The following PTPRK variants were observed in gnomAD, a reference collection of about 807,000 sequenced individuals.
PTPRK encodes receptor-type tyrosine-protein phosphatase kappa.
In PTPRK, 75 loss-of-function variants were observed where a neutral mutation model predicts 178.0. The observed-to-expected ratio is 0.42, with a 90% CI of 0.35 to 0.51. PTPRK has a LOEUF of 0.51. Among genes scored for constraint, PTPRK ranks in the 20% least tolerant of loss-of-function variants. The probability of loss-of-function intolerance (pLI) is 0.02; values close to 1 mark genes in which losing one functional copy is unlikely to be tolerated. For missense variants in PTPRK, 1,441 were observed against 1,797.8 expected (o/e 0.80, Z 3.59); for synonymous variants, 637 against 620.6 (o/e 1.03, Z -0.39).
intron 5 of PTPRK, among the ~76,000 whole-genome samples, chr6:128,233,210 T>C (rs1812603126): frequency 6.6e-6 from 1 of 152,216 alleles, no homozygotes; most frequent in Non-Finnish European, 1.5e-5. Context: ...CATGGGGTCA[T>C]CAGAAAGAGC....
intron 2 of PTPRK, among the ~76,000 whole-genome samples, chr6:128,325,239 C>T (rs550463087): frequency 6.6e-6 from 1 of 152,144 alleles, no homozygotes; most frequent in African/African-American, 2.4e-5. Flanking sequence ...CCTTTATAGA[C>T]AGCAATTTGA....
chr6:128,270,391 G>A (rs1819622516), intron 3 of PTPRK, among the ~76,000 whole-genome samples: 1 of 152,006 alleles, frequency 6.6e-6, no homozygotes, highest in Non-Finnish European at 1.5e-5. Context: ...AATTCCAAAT[G>A]CTTCATTAAA....
intron 1 of PTPRK, among the ~76,000 whole-genome samples, chr6:128,479,606 C>G (rs1409302457): frequency 6.6e-6 from 1 of 152,104 alleles, no homozygotes; most frequent in African/African-American, 2.4e-5. Flanking sequence ...GGTTTTCACT[C>G]TCTGCCTTCC....
Position 127,988,295 on chromosome 6 carries a change from C to T in PTPRK, c.3097-2420G>A, listed in dbSNP as rs534061730. On this transcript the variant is annotated intron_variant, in intron 21 of 29. Transcript: ENST00000368226. ...ATCTGATTCTGTTATCATCATTATG[C>T]TAACCTTTTTTTTTTTTTTTTTTTT... is the stretch of plus-strand genomic sequence containing the variant. Among the ~76,000 whole-genome samples, 220 of 146,158 alleles carry T rather than the reference C, an allele frequency of 1.5e-3. 1 individual carries two copies. Among genetic ancestry groups the T allele is most frequent in the South Asian group, 4.3e-3 (20 of 4,636 alleles).
rs151155727 is a variant in PTPRK, at chr6:128,218,785, T to C, written c.868+137A>G. ...TTTCACCTTCACACATTCTGAGAAA[T>C]TGTATGATGATATATTTTTTATAGT... On this transcript the variant is annotated intron_variant, in intron 6 of 29. Transcript: ENST00000368226. 3.3e-4 allele frequency: 272 copies of C among 824,114 alleles called. 2 individuals carry two copies. The East Asian group carries it at 6.5e-3, about 20-fold the overall frequency. The allele number at this position is 824,114 out of a possible 1,614,324, so 51.1% of individuals were successfully genotyped here.
At chr6:128,079,905 C>A (rs1052018801) in intron 10 of PTPRK, among the ~76,000 whole-genome samples, 7 of 151,962 alleles carry the variant, frequency 4.6e-5, no homozygotes, top group African/African-American at 1.7e-4. Flanking sequence ...GGCTTTCTAA[C>A]ACACAGATTA....
At chr6:128,052,219 G>A (rs1779132454) in intron 13 of PTPRK, among the ~76,000 whole-genome samples, 1 of 152,176 alleles carries the variant, frequency 6.6e-6, no homozygotes, top group South Asian at 2.1e-4. Flanking sequence ...GTAAGTGACT[G>A]CCCTGATGCC....
At chr6:128,247,495 T>A (rs1363015325) in intron 3 of PTPRK, among the ~76,000 whole-genome samples, 1 of 151,958 alleles carries the variant, frequency 6.6e-6, no homozygotes, top group African/African-American at 2.4e-5. Flanking sequence ...AATTTTTGTA[T>A]TTTTGTAGAG....
intron 1 of PTPRK, among the ~76,000 whole-genome samples, chr6:128,486,704 T>A (rs1852950562): frequency 6.6e-6 from 1 of 151,700 alleles, no homozygotes; most frequent in Non-Finnish European, 1.5e-5. Context: ...CTGGGGAGGC[T>A]GAGGTGGAGG....
At chr6:128,314,754 G>C (rs72969051) in intron 3 of PTPRK, among the ~76,000 whole-genome samples, 14,790 of 151,562 alleles carry the variant, frequency 0.098, 967 homozygotes, top group African/African-American at 0.18. Flanking sequence ...ATGTGATAAT[G>C]GATATTAAAC....
At chr6:128,171,364 T>G (rs1583316537) in intron 7 of PTPRK, among the ~76,000 whole-genome samples, 1 of 151,992 alleles carries the variant, frequency 6.6e-6, no homozygotes, top group African/African-American at 2.4e-5. Flanking sequence ...AGCATGAGGT[T>G]GTTTAGGGGA....
chr6:128,022,290 T>C (rs970126312), intron 13 of PTPRK, among the ~76,000 whole-genome samples: 1 of 152,162 alleles, frequency 6.6e-6, no homozygotes, highest in Non-Finnish European at 1.5e-5. Flanking sequence ...GACCACTTCA[T>C]AAAACACTGC....
At chr6:128,428,453 A>G (rs1844437555) in intron 1 of PTPRK, among the ~76,000 whole-genome samples, 1 of 152,236 alleles carries the variant, frequency 6.6e-6, no homozygotes, top group Non-Finnish European at 1.5e-5. Context: ...GAGATCAGTA[A>G]AGACAACGAG....
chr6:128,269,469 G>A (rs1013552609), intron 3 of PTPRK, among the ~76,000 whole-genome samples: 9 of 151,584 alleles, frequency 5.9e-5, no homozygotes, highest in Admixed American at 3.3e-4. Context: ...AGCTGGAGAG[G>A]CCCAAAAGAG....
chr6:128,367,039 T>C (rs192250378), intron 2 of PTPRK, among the ~76,000 whole-genome samples: 1 of 152,254 alleles, frequency 6.6e-6, no homozygotes, highest in African/African-American at 2.4e-5. Context: ...GCAGGGAAGC[T>C]AGCTGGGTTG....
intron 7 of PTPRK, among the ~76,000 whole-genome samples, chr6:128,104,902 T>G (rs922767769): frequency 6.6e-6 from 1 of 152,176 alleles, no homozygotes; most frequent in East Asian, 1.9e-4. Context: ...TTGTGAAACT[T>G]TGAAATGTTC....
chr6:128,126,966 T>A (rs534381625), intron 7 of PTPRK, among the ~76,000 whole-genome samples: 14 of 152,188 alleles, frequency 9.2e-5, no homozygotes, highest in Non-Finnish European at 1.8e-4. Flanking sequence ...TTTCATTTTT[T>A]TTTTTTGGTG....
At chr6:128,278,643 A>G (rs1293871866) in intron 3 of PTPRK, among the ~76,000 whole-genome samples, 1 of 152,180 alleles carries the variant, frequency 6.6e-6, no homozygotes, top group African/African-American at 2.4e-5. Context: ...CATCCTGCAC[A>G]AGGCCACTGG....
chr6:128,201,000 C>T (rs916936216), intron 6 of PTPRK, among the ~76,000 whole-genome samples: 2 of 151,514 alleles, frequency 1.3e-5, no homozygotes, highest in African/African-American at 4.9e-5. Context: ...TTAAAAGATC[C>T]TACCTTACTG....
Sources: gnomAD v4.1 joint callset for allele counts (sites outside exome capture counted in the v4.1 genomes callset) on GRCh38, gnomAD v4.1.1 for gene constraint, MANE v1.5 for transcripts, NCBI Gene and HGNC (gene_info 2026-07-23, HGNC 2026-07-21) for gene names.